Variants in CPXM2 observed in about 807,000 individuals in gnomAD.
The protein encoded by CPXM2 is carboxypeptidase X, M14 family member 2, also known as inactive carboxypeptidase-like protein X2.
Under a neutral mutation model 86.1 loss-of-function variants are expected in CPXM2, and 66 were observed. That is an observed-to-expected ratio of 0.77 (90% CI 0.63 to 0.94). CPXM2 has a LOEUF of 0.94. Among genes scored for constraint, CPXM2 ranks in the 40% least tolerant of loss-of-function variants. CPXM2 has a pLI of 0.00. For synonymous variants in CPXM2, 388 were observed against 400.2 expected (o/e 0.97, Z 0.36); for missense variants, 948 against 1,026.3 (o/e 0.92, Z 1.04).
intron 3 of CPXM2, among the ~76,000 whole-genome samples, chr10:123,854,409 T>A (rs1432255415): frequency 8.2e-6 from 1 of 122,078 alleles, no homozygotes; most frequent in Non-Finnish European, 1.6e-5. Context: ...ATATATATTA[T>A]ATATAAAATA....
intron 6 of CPXM2, among the ~76,000 whole-genome samples, chr10:123,796,092 C>T (rs1336427573): frequency 6.6e-6 from 1 of 152,210 alleles, no homozygotes; most frequent in Non-Finnish European, 1.5e-5. Context: ...TGCTGGAGAG[C>T]CCAGCGGGTC....
intron 3 of CPXM2, among the ~76,000 whole-genome samples, chr10:123,843,818 G>A (rs1169438755): frequency 6.6e-6 from 1 of 152,140 alleles, no homozygotes; most frequent in Non-Finnish European, 1.5e-5. Flanking sequence ...AGACATCTGA[G>A]GCTTAGCAGA....
chr10:123,767,094 T>C lies in CPXM2; in HGVS notation c.1358A>G (p.Asn453Ser). 1 of 1,614,204 alleles carries C rather than the reference T, an allele frequency of 6.2e-7. No homozygotes were observed. Among genetic ancestry groups the C allele is most frequent in the South Asian group, 1.1e-5 (1 of 91,082 alleles). Residue 453 changes from asparagine to serine, a missense_variant, in exon 10 of 14, where the codon AAC (asparagine) becomes AGC (serine). Physicochemically the swap from Asn to Ser is conservative, Grantham distance 46. Transcript: ENST00000241305. ...CGTGTTTAAATCAGGAAAGTTGTTG[T>C]TGATGTCAATTCCATCGTGGGTCCA... is the stretch of plus-strand genomic sequence containing the variant. Reference protein sequence around the residue: ...GRWTHDGIDINNNFPDLNTLL... With the variant: ...GRWTHDGIDISNNFPDLNTLL...
intron 2 of CPXM2, among the ~76,000 whole-genome samples, chr10:123,911,232 T>G (rs565668436): frequency 6.6e-6 from 1 of 152,270 alleles, no homozygotes; most frequent in South Asian, 2.1e-4. Context: ...GACTCTCTCA[T>G]TTGGGAATTT....
chr10:123,747,405 A>G (rs965908359), intron 13 of CPXM2, among the ~76,000 whole-genome samples: 1 of 152,224 alleles, frequency 6.6e-6, no homozygotes, highest in African/African-American at 2.4e-5. Context: ...CTTCCTTAGC[A>G]TGGCTGCAAG....
chr10:123,939,637 T>C (rs1442488925), intron 1 of CPXM2: 1 of 152,274 alleles, frequency 6.6e-6, no homozygotes, highest in Non-Finnish European at 1.5e-5. Flanking sequence ...GGGTGTCTGG[T>C]GCAGAAGTCA....
intron 2 of CPXM2, among the ~76,000 whole-genome samples, chr10:123,906,121 C>T (rs1325415098): frequency 6.6e-6 from 1 of 152,180 alleles, no homozygotes; most frequent in Non-Finnish European, 1.5e-5. Flanking sequence ...CCCCTGTCTG[C>T]TCCTGCACCC....
chr10:123,907,281 A>G (rs949460850), intron 2 of CPXM2, among the ~76,000 whole-genome samples: 15 of 152,240 alleles, frequency 9.9e-5, no homozygotes, highest in African/African-American at 3.4e-4. Flanking sequence ...CTCTTAATGG[A>G]AAACTCTGTT....
chr10:123,835,974 C>T (rs375208996), intron 4 of CPXM2, among the ~76,000 whole-genome samples: 1 of 152,156 alleles, frequency 6.6e-6, no homozygotes, highest in African/African-American at 2.4e-5. Context: ...GGCTCGGGCT[C>T]CCCGACGCCC....
At position 123,862,515 on chromosome 10, in the gene CPXM2, C is replaced by G. The variant is rs1848872745; in HGVS notation, c.513+99G>C. 4 of 1,001,432 alleles carry G rather than the reference C, an allele frequency of 4.0e-6. No individual in the cohort carries two copies. In the Admixed American group the frequency reaches 7.7e-5, roughly 19 times the overall value. The allele number at this position is 1,001,432 out of a possible 1,614,324, so 62.0% of individuals were successfully genotyped here. On this transcript the variant is annotated intron_variant, in intron 3 of 13. Coordinates refer to ENST00000241305, the MANE Select transcript of CPXM2 (RefSeq NM_198148.3). Reference sequence around the variant, plus strand: ...TCCTTTCTTACTGTGAGCATCCAGGCTAATGCATTTTAAATCCTGCGCATT... The same window carrying G: ...TCCTTTCTTACTGTGAGCATCCAGGGTAATGCATTTTAAATCCTGCGCATT...
At chr10:123,809,299 A>T (rs1024107657) in intron 4 of CPXM2, among the ~76,000 whole-genome samples, 1 of 152,176 alleles carries the variant, frequency 6.6e-6, no homozygotes, top group Non-Finnish European at 1.5e-5. Context: ...TCAACTTAAT[A>T]ATGAAAGAAG....
chr10:123,869,150 G>A (rs749397038), intron 2 of CPXM2, among the ~76,000 whole-genome samples: 4 of 152,210 alleles, frequency 2.6e-5, no homozygotes, highest in Non-Finnish European at 5.9e-5. Context: ...GTATTACAAT[G>A]TCAATTGATG....
At chr10:123,773,363 C>T (rs186253905) in intron 7 of CPXM2, among the ~76,000 whole-genome samples, 1 of 152,268 alleles carries the variant, frequency 6.6e-6, no homozygotes, top group Admixed American at 6.5e-5. Context: ...GTCATCATTC[C>T]CCTGGTTGTG....
At chr10:123,783,257 T>C (rs866061566) in intron 6 of CPXM2, among the ~76,000 whole-genome samples, 2 of 152,276 alleles carry the variant, frequency 1.3e-5, no homozygotes, top group South Asian at 4.1e-4. Context: ...CTTTACTTTC[T>C]TAATAAACTT....
At chr10:123,772,728 T>G (rs1167725292) in intron 7 of CPXM2, among the ~76,000 whole-genome samples, 1 of 151,628 alleles carries the variant, frequency 6.6e-6, no homozygotes, top group East Asian at 2.0e-4. Flanking sequence ...GTTGTGGTTC[T>G]TATCACTCTT....
At chr10:123,834,565 C>T (rs1848240244) in intron 4 of CPXM2, among the ~76,000 whole-genome samples, 1 of 152,148 alleles carries the variant, frequency 6.6e-6, no homozygotes, top group African/African-American at 2.4e-5. Flanking sequence ...AGCAGCAGGC[C>T]TGGTGTGTTT....
chr10:123,825,930 A>T (rs891236787), intron 4 of CPXM2, among the ~76,000 whole-genome samples: 18 of 152,024 alleles, frequency 1.2e-4, no homozygotes, highest in African/African-American at 4.1e-4. Flanking sequence ...GAAGAGCTCC[A>T]TGGTTTTCCT....
intron 2 of CPXM2, among the ~76,000 whole-genome samples, chr10:123,918,644 G>A (rs1222242304): frequency 6.6e-6 from 1 of 152,138 alleles, no homozygotes; most frequent in Non-Finnish European, 1.5e-5. Flanking sequence ...CACAGCTTGG[G>A]GCTAAATCCG....
chr10:123,862,874 G>C (rs1848885190), intron 2 of CPXM2, 151 bp from the exon 3 acceptor site: 1 of 676,500 alleles, frequency 1.5e-6, no homozygotes, highest in Non-Finnish European at 2.6e-6. Flanking sequence ...TGATTGAACT[G>C]TCAACATTAA....
Sources: gnomAD v4.1 joint callset for allele counts (sites outside exome capture counted in the v4.1 genomes callset) on GRCh38, gnomAD v4.1.1 for gene constraint, MANE v1.5 for transcripts, NCBI Gene and HGNC (gene_info 2026-07-23, HGNC 2026-07-21) for gene names.